LRRC3B: variants seen among roughly 807,000 people sequenced by gnomAD.
LRRC3B encodes leucine-rich repeat-containing protein 3B.
In LRRC3B, 2 loss-of-function variants were observed where a neutral mutation model predicts 12.8. That is an observed-to-expected ratio of 0.16 (90% CI 0.06 to 0.49). The LOEUF is 0.49. Ranked by LOEUF, LRRC3B falls within the 20% of genes least tolerant of loss-of-function variation. LRRC3B has a pLI of 0.96. For synonymous variants in LRRC3B, 132 were observed against 122.0 expected, an observed-to-expected ratio of 1.08 and a Z score of -0.54; for missense variants, 189 against 319.4, an observed-to-expected ratio of 0.59 and a Z score of 3.11.
chr3:26,676,567 A>G (rs1356292717), intron 1 of LRRC3B, among the ~76,000 whole-genome samples: 1 of 152,176 alleles, frequency 6.6e-6, no homozygotes, highest in African/African-American at 2.4e-5. Context: ...TAGAATGACA[A>G]TCATTAAAAA....
intron 1 of LRRC3B, among the ~76,000 whole-genome samples, chr3:26,649,131 TTAGAAA>T (rs1262429542): frequency 6.6e-6 from 1 of 152,220 alleles, no homozygotes; most frequent in African/African-American, 2.4e-5. Flanking sequence ...GAGAAAAGAA[TTAGAAA>T]TAGAGTATAG....
chr3:26,664,600 G>C (rs1699561108), intron 1 of LRRC3B, among the ~76,000 whole-genome samples: 1 of 152,096 alleles, frequency 6.6e-6, no homozygotes. Context: ...TGAATTATTA[G>C]GAAGTGGTCC....
At chr3:26,624,977 C>G (rs995053106) in intron 1 of LRRC3B, 1 of 152,232 alleles carries the variant, frequency 6.6e-6, no homozygotes, top group Non-Finnish European at 1.5e-5. Context: ...CCAGTAAGCA[C>G]CTCACTTAAC....
chr3:26,645,155 T>C (rs1451713792), intron 1 of LRRC3B, among the ~76,000 whole-genome samples: 1 of 152,204 alleles, frequency 6.6e-6, no homozygotes, highest in Non-Finnish European at 1.5e-5. Context: ...TTCAAATTAA[T>C]AGTTGCAGGA....
chr3:26,695,728 A>C, intron 1 of LRRC3B, among the ~76,000 whole-genome samples: 1 of 150,006 alleles, frequency 6.7e-6, no homozygotes, highest in East Asian at 1.9e-4. Context: ...TCTGTAGATA[A>C]ACATGTGTGT....
At chr3:26,655,825 G>A (rs894969220) in intron 1 of LRRC3B, among the ~76,000 whole-genome samples, 1 of 152,098 alleles carries the variant, frequency 6.6e-6, no homozygotes, top group Non-Finnish European at 1.5e-5. Context: ...CTGGGCCAAG[G>A]TCTGTGCCAA....
intron 1 of LRRC3B, among the ~76,000 whole-genome samples, chr3:26,679,726 C>A (rs1699931538): frequency 6.6e-6 from 1 of 152,216 alleles, no homozygotes; most frequent in East Asian, 1.9e-4. Flanking sequence ...TCCCTGCCCT[C>A]CTCCACCAGA....
At chr3:26,674,021 G>A (rs1699806751) in intron 1 of LRRC3B, among the ~76,000 whole-genome samples, 1 of 152,164 alleles carries the variant, frequency 6.6e-6, no homozygotes, top group Non-Finnish European at 1.5e-5. Flanking sequence ...TCAATGATGA[G>A]CTTTTGAACT....
intron 1 of LRRC3B, among the ~76,000 whole-genome samples, chr3:26,662,816 G>T (rs1699520781): frequency 6.6e-6 from 1 of 152,014 alleles, no homozygotes; most frequent in Non-Finnish European, 1.5e-5. Context: ...GGATGATAAG[G>T]CCAATAGACA....
chr3:26,658,037 C>G (rs1239657417), intron 1 of LRRC3B, among the ~76,000 whole-genome samples: 1 of 152,136 alleles, frequency 6.6e-6, no homozygotes, highest in Non-Finnish European at 1.5e-5. Flanking sequence ...TTTACTCAAG[C>G]CACTGAACAC....
intron 1 of LRRC3B, among the ~76,000 whole-genome samples, chr3:26,636,301 G>T (rs570081673): frequency 6.6e-6 from 1 of 152,232 alleles, no homozygotes; most frequent in East Asian, 1.9e-4. Flanking sequence ...AATCCCCAGT[G>T]GGCAGGTTGC....
At chr3:26,688,157 G>T (rs1392938446) in intron 1 of LRRC3B, among the ~76,000 whole-genome samples, 2 of 152,202 alleles carry the variant, frequency 1.3e-5, no homozygotes, top group Non-Finnish European at 2.9e-5. Context: ...GTGAACCCAT[G>T]AATTACGTTG....
At chr3:26,638,826 A>G (rs184626042) in intron 1 of LRRC3B, among the ~76,000 whole-genome samples, 101 of 152,332 alleles carry the variant, frequency 6.6e-4, no homozygotes, top group East Asian at 6.4e-3. Flanking sequence ...GAAATGAGCC[A>G]AAGTCAATTG....
At chr3:26,644,237 A>C (rs1488360289) in intron 1 of LRRC3B, among the ~76,000 whole-genome samples, 1 of 152,260 alleles carries the variant, frequency 6.6e-6, no homozygotes, top group Non-Finnish European at 1.5e-5. Context: ...CGAGTGACTA[A>C]TATGTGGGAA....
In LRRC3B at chr3:26,684,439, C is replaced by T. The variant is rs1481279725; in HGVS notation, c.-160-25074C>T. On this transcript the variant is annotated intron_variant, in intron 1 of 1. Coordinates refer to ENST00000396641, the Ensembl canonical transcript of LRRC3B. Reference sequence around the variant, plus strand: ...CTTTCTGACAATTTCTGGTTCTTTACTTCAGCTCTCTTACTGACTGCCTTA... The same window carrying T: ...CTTTCTGACAATTTCTGGTTCTTTATTTCAGCTCTCTTACTGACTGCCTTA... Among the ~76,000 whole-genome samples, 4 of 152,218 alleles carry T rather than the reference C, an allele frequency of 2.6e-5. No homozygotes were observed. In the East Asian group the frequency reaches 7.7e-4, roughly 29 times the overall value.
At chr3:26,670,810 T>C (rs558059157) in intron 1 of LRRC3B, among the ~76,000 whole-genome samples, 3 of 152,254 alleles carry the variant, frequency 2.0e-5, no homozygotes, top group African/African-American at 7.2e-5. Context: ...ATAATCTACA[T>C]GAAAAGTTCA....
intron 1 of LRRC3B, among the ~76,000 whole-genome samples, chr3:26,639,707 G>A (rs1209148073): frequency 6.6e-6 from 1 of 152,096 alleles, no homozygotes; most frequent in East Asian, 1.9e-4. Flanking sequence ...CACCGTGTGG[G>A]CTTTAAACTC....
chr3:26,698,127 T>C lies in LRRC3B; in HGVS notation c.-160-11386T>C, dbSNP rs202246132. ...TGTAAGATGATGATGATAGTGGTGG[T>C]GGTGGTGGTGGTGGCAGTAGTACTA... On this transcript the variant is annotated intron_variant, in intron 1 of 1. Transcript: ENST00000396641. Among the ~76,000 whole-genome samples, 4 of 152,194 alleles carry C rather than the reference T, an allele frequency of 2.6e-5. No homozygotes were observed. The East Asian group carries it at 7.7e-4, about 29-fold the overall frequency.
intron 1 of LRRC3B, among the ~76,000 whole-genome samples, chr3:26,637,600 A>G (rs1160064669): frequency 6.6e-6 from 1 of 152,194 alleles, no homozygotes; most frequent in Non-Finnish European, 1.5e-5. Flanking sequence ...CATCTCTAGT[A>G]ATACGTGGAT....
Sources: gnomAD v4.1 joint callset for allele counts (sites outside exome capture counted in the v4.1 genomes callset) on GRCh38, gnomAD v4.1.1 for gene constraint, MANE v1.5 for transcripts, NCBI Gene and HGNC (gene_info 2026-07-23, HGNC 2026-07-21) for gene names.